ACACB: variants seen among roughly 807,000 people sequenced by gnomAD.
ACACB encodes the protein acetyl-CoA carboxylase beta.
Under a neutral mutation model 278.8 loss-of-function variants are expected in ACACB, and 209 were observed. The ratio of observed to expected loss-of-function variants is 0.75; its 90% CI spans 0.67 to 0.84. ACACB has a LOEUF of 0.84. Among genes scored for constraint, ACACB ranks in the 40% least tolerant of loss-of-function variants. The pLI is 0.00. For synonymous variants in ACACB, 1,174 were observed against 1,285.6 expected, an observed-to-expected ratio of 0.91 and a Z score of 1.86; for missense variants, 2,850 against 3,269.0, an observed-to-expected ratio of 0.87 and a Z score of 3.13.
Position 109,139,541 on chromosome 12 carries a change from GAGCCCTTTCC to G in ACACB, c.141_150del (p.Phe48LeufsTer111). 1.2e-6 allele frequency: 2 copies of G among 1,613,998 alleles called. No individual in the cohort carries two copies. Among genetic ancestry groups the G allele is most frequent in the South Asian group, 1.1e-5 (1 of 91,054 alleles). On this transcript the variant is annotated frameshift_variant, in exon 2 of 53. Transcript: ENST00000338432. LOFTEE classifies it high-confidence loss of function. ...AGAAGCAAACCTCATCCCGAGCCAG[GAGCCCTTTCC>G]AGCCTCTGATAACTCAGGGGAGACA... is the stretch of plus-strand genomic sequence containing the variant.
At chr12:109,264,154 C>G (rs1440346189) in intron 49 of ACACB, 78 bp from the exon 50 acceptor site, 1 of 1,349,686 alleles carries the variant, frequency 7.4e-7, no homozygotes, top group Non-Finnish European at 1.0e-6. Context: ...GTGCCTTCTT[C>G]AAAAAAAAAA....
chr12:109,215,195 G>T (rs561838276), intron 22 of ACACB, among the ~76,000 whole-genome samples: 4 of 151,922 alleles, frequency 2.6e-5, no homozygotes, highest in Non-Finnish European at 4.4e-5. Flanking sequence ...CTATACCTTG[G>T]GTAAGTAATT....
intron 24 of ACACB, among the ~76,000 whole-genome samples, chr12:109,221,827 C>G (rs1275859336): frequency 6.7e-6 from 1 of 150,074 alleles, no homozygotes; most frequent in Non-Finnish European, 1.5e-5. Context: ...TATAAAGGGT[C>G]TAGCTGTTTA....
intron 34 of ACACB, among the ~76,000 whole-genome samples, chr12:109,238,011 C>CAAAAAAAA (rs538671568): frequency 6.5e-5 from 4 of 61,214 alleles, no homozygotes; most frequent in East Asian, 4.4e-4. Flanking sequence ...GACCCTATCA[C>CAAAAAAAA]AAAAAAAAAA....
At chr12:109,179,366 T>A in intron 10 of ACACB, 69 bp downstream of exon 10, 1 of 1,506,222 alleles carries the variant, frequency 6.6e-7, no homozygotes, top group Non-Finnish European at 9.0e-7. Flanking sequence ...GGAAGAACTT[T>A]CTACGGTCAG....
rs527664804 is a variant in ACACB at position 109,139,525 on chromosome 12, C to A, written c.120C>A (p.Asn40Lys). ...KPITKSKSEA[N>K]LIPSQEPFPA... ...TCACCAAGAGTAAATCAGAAGCAAA[C>A]CTCATCCCGAGCCAGGAGCCCTTTC... is the stretch of plus-strand genomic sequence containing the variant. The change falls in exon 2 of 53, where the codon AAC (asparagine) becomes AAA (lysine). Residue 40 changes from asparagine (N) to lysine (K), a missense_variant. Transcript: ENST00000338432. The A allele has an allele frequency of 1.2e-6, 2 of 1,614,136 alleles. No homozygotes were observed. The highest frequency in any genetic ancestry group is 1.7e-5 in the Admixed American group (1 of 60,006).
intron 24 of ACACB, among the ~76,000 whole-genome samples, chr12:109,218,904 T>C (rs1295012135): frequency 6.6e-6 from 1 of 152,032 alleles, no homozygotes; most frequent in Non-Finnish European, 1.5e-5. Context: ...TTAGCTGGGA[T>C]TACAGGCATG....
chr12:109,224,774 T>C (rs1359614241), intron 27 of ACACB, among the ~76,000 whole-genome samples: 2 of 152,056 alleles, frequency 1.3e-5, no homozygotes, highest in Non-Finnish European at 2.9e-5. Context: ...TCAAGTGATC[T>C]GCCTGCCTCA....
At chr12:109,211,349 T>C (rs572241492) in intron 21 of ACACB, among the ~76,000 whole-genome samples, 2 of 150,482 alleles carry the variant, frequency 1.3e-5, no homozygotes, top group Non-Finnish European at 3.0e-5. Context: ...CCTCTTTTTT[T>C]TTTTTTTTTT....
intron 19 of ACACB, among the ~76,000 whole-genome samples, chr12:109,205,911 T>G (rs1281278798): frequency 6.6e-6 from 1 of 152,122 alleles, no homozygotes; most frequent in Non-Finnish European, 1.5e-5. Context: ...GTAGAATGAA[T>G]GAGTAGACGA....
intron 33 of ACACB, 82 bp from the exon 34 acceptor site, chr12:109,237,083 G>C: frequency 7.2e-7 from 1 of 1,395,754 alleles, no homozygotes; most frequent in Non-Finnish European, 1.0e-6. Context: ...CTGCAGAGTA[G>C]GGTGTGGACC....
intron 3 of ACACB, 130 bp downstream of exon 3, chr12:109,167,123 C>G (rs1216213696): frequency 8.4e-7 from 1 of 1,188,582 alleles, no homozygotes; most frequent in East Asian, 2.4e-5. Context: ...GGGCCACGCT[C>G]CTCTGAGTTT....
intron 2 of ACACB, among the ~76,000 whole-genome samples, chr12:109,163,184 C>T (rs901239178): frequency 3.9e-5 from 6 of 152,212 alleles, no homozygotes; most frequent in African/African-American, 2.4e-5. Flanking sequence ...CTCGGCCTCC[C>T]ATAGTGCTGG....
rs541659697 is a variant in ACACB, at chr12:109,150,358, C to A, written c.653+10300C>A. 3.3e-5 allele frequency among the ~76,000 whole-genome samples: 5 copies of A among 152,284 alleles called. No individual in the cohort carries two copies. The South Asian group carries it at 1.0e-3, about 32-fold the overall frequency. On this transcript the variant is annotated intron_variant, in intron 2 of 52. Transcript: ENST00000338432. Reference sequence around the variant, plus strand: ...TTCTTGCCTGTGCGCATGGTTATTCCCAAGCCCTGGCCGGGCTTACATCTT... The same window carrying A: ...TTCTTGCCTGTGCGCATGGTTATTCACAAGCCCTGGCCGGGCTTACATCTT...
At chr12:109,187,387 G>A (rs531962957) in intron 12 of ACACB, among the ~76,000 whole-genome samples, 24 of 151,956 alleles carry the variant, frequency 1.6e-4, no homozygotes, top group South Asian at 6.2e-4. Flanking sequence ...ATCAATGTTC[G>A]CCCATTTAAC....
intron 24 of ACACB, among the ~76,000 whole-genome samples, chr12:109,221,879 CTT>C (rs34724260): frequency 0.053 from 6,909 of 129,994 alleles, 207 homozygotes; most frequent in Non-Finnish European, 0.077. Context: ...AATCACTGAC[CTT>C]TTTTTTTTTT....
chr12:109,184,716 T>C (rs2044593965), intron 11 of ACACB, among the ~76,000 whole-genome samples: 1 of 151,446 alleles, frequency 6.6e-6, no homozygotes, highest in African/African-American at 2.4e-5. Flanking sequence ...ATTTTTTTTT[T>C]TTTTTTTGGT....
At chr12:109,247,018 G>T (rs578007665) in intron 39 of ACACB, among the ~76,000 whole-genome samples, 247 of 152,222 alleles carry the variant, frequency 1.6e-3, no homozygotes, top group Non-Finnish European at 2.9e-3. Flanking sequence ...GTTCAAGGCT[G>T]CAGTGAGCCA....
chr12:109,240,747 C>A (rs1348844065), intron 35 of ACACB, among the ~76,000 whole-genome samples: 1 of 151,924 alleles, frequency 6.6e-6, no homozygotes, highest in Non-Finnish European at 1.5e-5. Context: ...CAGAAGGAAG[C>A]AGTGCAATGG....
Sources: allele counts gnomAD v4.1 joint callset (sites outside exome capture counted in the v4.1 genomes callset), GRCh38; gene constraint gnomAD v4.1.1; transcripts MANE v1.5; gene names NCBI Gene and HGNC (gene_info 2026-07-23, HGNC 2026-07-21).